The following USH2A variants were observed in gnomAD, a reference collection of about 807,000 sequenced individuals.
USH2A encodes the protein Usher syndrome 2A (autosomal recessive, mild).
A neutral mutation model predicts 538.9 loss-of-function variants in USH2A; 443 were observed. That is an observed-to-expected ratio of 0.82 (90% confidence interval 0.76 to 0.89). The LOEUF (loss-of-function observed/expected upper bound fraction) is 0.89. USH2A is among the 40% of genes least tolerant of loss of function. The pLI is 0.00. For synonymous variants in USH2A, 2,413 were observed against 2,273.5 expected (o/e 1.06, Z -1.75); for missense variants, 6,633 against 6,324.8 (o/e 1.05, Z -1.65).
At position 215,900,148 on chromosome 1, in the gene USH2A, C is replaced by T; in HGVS notation, c.7521G>A (p.Met2507Ile). 1 of 1,613,756 alleles carries T rather than the reference C, an allele frequency of 6.2e-7. No individual in the cohort carries two copies. The highest frequency in any genetic ancestry group is 8.5e-7 in the Non-Finnish European group (1 of 1,179,786). ...VSDLQPYTEYMFRLVASNGFG... is the reference protein window; with the variant it reads ...VSDLQPYTEYIFRLVASNGFG... ...ATCCATTGGAGGCAACCAACCGAAA[C>T]ATATACTCTGTGTACGGTTGGAGAT... Residue 2507 changes from methionine (M) to isoleucine (I), a missense_variant, in exon 40 of 72, where the codon ATG (methionine) becomes ATA (isoleucine). By Grantham distance (10) the Met-to-Ile change is conservative. Coordinates refer to ENST00000307340, the MANE Select transcript of USH2A (RefSeq NM_206933.4).
intron 32 of USH2A, among the ~76,000 whole-genome samples, chr1:216,039,495 T>A (rs1246131940): frequency 6.6e-6 from 1 of 152,010 alleles, no homozygotes; most frequent in Non-Finnish European, 1.5e-5. Flanking sequence ...TTATTAATAT[T>A]AGAGCTTGTA....
intron 64 of USH2A, among the ~76,000 whole-genome samples, chr1:215,660,424 C>T (rs1657405531): frequency 6.6e-6 from 1 of 152,024 alleles, no homozygotes; most frequent in Non-Finnish European, 1.5e-5. Context: ...GGCTAGATAG[C>T]AATTGTGCAA....
At chr1:215,678,923 T>A (rs753522702) in intron 62 of USH2A, among the ~76,000 whole-genome samples, 3 of 152,246 alleles carry the variant, frequency 2.0e-5, no homozygotes, top group Non-Finnish European at 2.9e-5. Flanking sequence ...GATGCTCTCA[T>A]GACTCCAAAT....
At position 216,128,067 on chromosome 1, in the gene USH2A, A is replaced by G. The variant is rs1408600; in HGVS notation, c.4628-30854T>C. ...GAATTTGAAGAGCATACTGTATAGAATCTGATGCACTGACTTTTATGAGGA... is the reference window on the plus strand; with the variant it reads ...GAATTTGAAGAGCATACTGTATAGAGTCTGATGCACTGACTTTTATGAGGA... On this transcript the variant is annotated intron_variant, in intron 21 of 71. Coordinates refer to ENST00000307340, the MANE Select transcript of USH2A (RefSeq NM_206933.4). Among the ~76,000 whole-genome samples the G allele has an allele frequency of 4.6e-3, 694 of 152,232 alleles. 4 individuals carry two copies. The highest frequency in any genetic ancestry group is 0.016 in the African/African-American group (659 of 41,550).
At chr1:216,379,553 A>C (rs1482775623) in intron 3 of USH2A, among the ~76,000 whole-genome samples, 2 of 152,142 alleles carry the variant, frequency 1.3e-5, no homozygotes, top group Non-Finnish European at 2.9e-5. Context: ...TCAAAATTTC[A>C]CTGTTCCATT....
At chr1:216,077,127 C>G (rs568277739) in intron 27 of USH2A, among the ~76,000 whole-genome samples, 4 of 152,248 alleles carry the variant, frequency 2.6e-5, no homozygotes, top group African/African-American at 9.6e-5. Flanking sequence ...GCCTAACACA[C>G]TTGTTATGAA....
chr1:216,134,783 G>A (rs1242566401), intron 21 of USH2A, among the ~76,000 whole-genome samples: 4 of 152,078 alleles, frequency 2.6e-5, no homozygotes, highest in African/African-American at 9.7e-5. Context: ...AGAAACCATT[G>A]CTTGATTGTA....
chr1:216,094,083 C>T (rs2102569939), intron 22 of USH2A, among the ~76,000 whole-genome samples: 1 of 152,272 alleles, frequency 6.6e-6, no homozygotes, highest in Non-Finnish European at 1.5e-5. Context: ...CTGGCTTCTT[C>T]TTAAATATCT....
intron 21 of USH2A, among the ~76,000 whole-genome samples, chr1:216,119,870 G>A (rs1198265422): frequency 1.3e-5 from 2 of 152,078 alleles, no homozygotes; most frequent in Non-Finnish European, 2.9e-5. Context: ...ACATCCCTAG[G>A]TTGAAAGGAG....
chr1:215,951,856 T>TTTATTTA (rs778548789), intron 37 of USH2A, among the ~76,000 whole-genome samples: 1,703 of 151,556 alleles, frequency 0.011, 31 homozygotes, highest in East Asian at 0.059. Context: ...TTTTTTTATT[T>TTTATTTA]TTTATTTTTT....
intron 32 of USH2A, among the ~76,000 whole-genome samples, chr1:216,038,599 A>G (rs2030106681): frequency 1.3e-5 from 2 of 152,028 alleles, no homozygotes; most frequent in South Asian, 4.1e-4. Context: ...TGAGGCCACA[A>G]AATGAGGAGC....
At chr1:216,104,226 C>T (rs2032673565) in intron 21 of USH2A, among the ~76,000 whole-genome samples, 1 of 151,844 alleles carries the variant, frequency 6.6e-6, no homozygotes, top group East Asian at 1.9e-4. Flanking sequence ...CTCCCCCCAC[C>T]CCACAACAGG....
intron 9 of USH2A, among the ~76,000 whole-genome samples, chr1:216,295,796 G>A (rs2037091984): frequency 6.6e-6 from 1 of 151,884 alleles, no homozygotes; most frequent in South Asian, 2.1e-4. Flanking sequence ...TTTGCTCTTT[G>A]TTTTATATTA....
chr1:215,805,311 A>C (rs1454799532), intron 49 of USH2A, among the ~76,000 whole-genome samples: 1 of 152,060 alleles, frequency 6.6e-6, no homozygotes, highest in Non-Finnish European at 1.5e-5. Flanking sequence ...AAATGCACTA[A>C]GTGAAATAAG....
chr1:216,088,318 A>G (rs984207439), intron 23 of USH2A, among the ~76,000 whole-genome samples: 16 of 152,000 alleles, frequency 1.1e-4, no homozygotes, highest in African/African-American at 3.4e-4. Flanking sequence ...TCACCACTTG[A>G]TATTTGTTTA....
rs770983063 is a variant in USH2A at position 216,422,084 on chromosome 1, T to A, written c.253A>T (p.Ile85Phe). ...SIQFCTQRFC[I>F]QDCPYRSSHP... ...GAAGATCTGTATGGGCAATCCTGAA[T>A]ACAAAACCGCTGGGTACAGAACTGA... Residue 85 changes from isoleucine (I) to phenylalanine (F), a missense_variant, in exon 2 of 72, where the codon ATT becomes TTT. Ile to Phe is a conservative substitution (Grantham distance 21, BLOSUM62 0). Coordinates refer to ENST00000307340, the MANE Select transcript of USH2A (RefSeq NM_206933.4). 1.2e-5 allele frequency: 20 copies of A among 1,613,680 alleles called. No homozygotes were observed. The highest frequency in any genetic ancestry group is 1.5e-5 in the Non-Finnish European group (18 of 1,179,880).
chr1:215,727,804 G>A (rs1375151020), intron 61 of USH2A, among the ~76,000 whole-genome samples: 1 of 152,058 alleles, frequency 6.6e-6, no homozygotes, highest in African/African-American at 2.4e-5. Context: ...TTATTTATTG[G>A]TTTTGAGGTA....
chr1:216,060,549 T>C (rs1175222823), intron 30 of USH2A, among the ~76,000 whole-genome samples: 2 of 152,236 alleles, frequency 1.3e-5, no homozygotes, highest in Non-Finnish European at 1.5e-5. Flanking sequence ...TTATCATTAT[T>C]GATTCATTTG....
chr1:215,768,030 G>A (rs563997165), intron 55 of USH2A, among the ~76,000 whole-genome samples: 58 of 151,930 alleles, frequency 3.8e-4, no homozygotes, highest in Middle Eastern at 3.4e-3. Flanking sequence ...CTACATTTTC[G>A]CATATTTTGT....
Sources: allele counts gnomAD v4.1 joint callset (sites outside exome capture counted in the v4.1 genomes callset), GRCh38; gene constraint gnomAD v4.1.1; transcripts MANE v1.5; gene names NCBI Gene and HGNC (gene_info 2026-07-23, HGNC 2026-07-21).